Variants in PPARGC1A observed in about 807,000 individuals in gnomAD.
PPARGC1A encodes the protein PPARG coactivator 1 alpha, also known as peroxisome proliferator-activated receptor gamma coactivator 1-alpha.
PPARGC1A carries 25 observed loss-of-function variants against 88.7 expected under a neutral mutation model. That is an observed-to-expected ratio of 0.28 (90% CI 0.21 to 0.39). The LOEUF is 0.39. Ranked by LOEUF, PPARGC1A falls within the 10% of genes least tolerant of loss-of-function variation. PPARGC1A has a pLI of 1.00. For synonymous variants in PPARGC1A, 363 were observed against 355.6 expected, an observed-to-expected ratio of 1.02 and a Z score of -0.24; for missense variants, 880 against 968.7, an observed-to-expected ratio of 0.91 and a Z score of 1.22.
chr4:24,185,557 GAAGC>G, the PPARGC1A span, among the ~76,000 whole-genome samples: 1 of 152,198 alleles, frequency 6.6e-6, no homozygotes, highest in East Asian at 1.9e-4. Flanking sequence ...ACCAGTACGA[GAAGC>G]AAGTTAGAGC....
At chr4:23,869,423 C>T (rs1201418112) in intron 2 of PPARGC1A, among the ~76,000 whole-genome samples, 3 of 151,950 alleles carry the variant, frequency 2.0e-5, no homozygotes, top group Admixed American at 6.6e-5. Flanking sequence ...GCTCTGGGTC[C>T]GTATAGAGAA....
chr4:23,918,218 CT>C, the PPARGC1A span, among the ~76,000 whole-genome samples: 139 of 150,054 alleles, frequency 9.3e-4, no homozygotes, highest in African/African-American at 3.1e-3. Flanking sequence ...AATTTAAATT[CT>C]TTTTTTTTTC....
intron 2 of PPARGC1A, among the ~76,000 whole-genome samples, chr4:23,882,414 CT>C (rs778021217): frequency 2.6e-5 from 4 of 152,106 alleles, no homozygotes; most frequent in Non-Finnish European, 1.5e-5. Flanking sequence ...AACCTCAGTG[CT>C]TTTTTCATTG....
the PPARGC1A span, among the ~76,000 whole-genome samples, chr4:24,259,120 C>CA: frequency 6.6e-6 from 1 of 151,952 alleles, no homozygotes; most frequent in Admixed American, 6.5e-5. Flanking sequence ...GAAAATATTC[C>CA]AAAAAAAGGA....
the PPARGC1A span, among the ~76,000 whole-genome samples, chr4:24,167,385 G>A: frequency 6.6e-6 from 1 of 152,216 alleles, no homozygotes. Context: ...AGATGTTGTG[G>A]ACATTGTTGA....
chr4:23,877,039 C>A (rs1227307457), intron 2 of PPARGC1A, among the ~76,000 whole-genome samples: 1 of 152,152 alleles, frequency 6.6e-6, no homozygotes, highest in Non-Finnish European at 1.5e-5. Context: ...TCTATCATCA[C>A]TTTGGGACAA....
At chr4:24,266,106 G>A in the PPARGC1A span, among the ~76,000 whole-genome samples, 3 of 152,184 alleles carry the variant, frequency 2.0e-5, no homozygotes, top group South Asian at 2.1e-4. Flanking sequence ...AGAACGTAAC[G>A]AGAGATGCCG....
chr4:24,398,055 G>A, the PPARGC1A span, among the ~76,000 whole-genome samples: 60 of 152,198 alleles, frequency 3.9e-4, no homozygotes, highest in African/African-American at 1.1e-3. Context: ...AGACCTAGCC[G>A]CTTCTGTCAA....
chr4:24,070,235 G>A, the PPARGC1A span, among the ~76,000 whole-genome samples: 5 of 152,176 alleles, frequency 3.3e-5, no homozygotes, highest in Non-Finnish European at 7.3e-5. Context: ...TACTTCTGAG[G>A]TTTATTAGCC....
At chr4:23,822,977 T>C (rs1224606692) in intron 7 of PPARGC1A, among the ~76,000 whole-genome samples, 1 of 152,110 alleles carries the variant, frequency 6.6e-6, no homozygotes, top group African/African-American at 2.4e-5. Flanking sequence ...CAGTAAATAA[T>C]ATTTGCTTTC....
chr4:23,801,719 A>G lies in PPARGC1A; in HGVS notation c.2293+11T>C, dbSNP rs761066906. On this transcript the variant is annotated intron_variant, in intron 12 of 12. Coordinates refer to ENST00000264867, the MANE Select transcript of PPARGC1A (RefSeq NM_013261.5). ...ATGGATTCCTCATTCCACGTACAAT[A>G]AAATCCATACCTAGGTCTGCATAGT... is the stretch of plus-strand genomic sequence containing the variant. 1 of 1,613,826 alleles carries G rather than the reference A, an allele frequency of 6.2e-7. No homozygotes were observed. Among genetic ancestry groups the G allele is most frequent in the Non-Finnish European group, 8.5e-7 (1 of 1,179,772 alleles).
chr4:24,183,074 A>T, the PPARGC1A span, among the ~76,000 whole-genome samples: 3 of 152,180 alleles, frequency 2.0e-5, no homozygotes, highest in African/African-American at 7.2e-5. Context: ...CAATACTCCA[A>T]GTAGAAATGA....
At chr4:23,936,059 T>C in the PPARGC1A span, among the ~76,000 whole-genome samples, 1 of 152,188 alleles carries the variant, frequency 6.6e-6, no homozygotes, top group Non-Finnish European at 1.5e-5. Flanking sequence ...TGAATTCCTA[T>C]GTACATCGAG....
the PPARGC1A span, among the ~76,000 whole-genome samples, chr4:24,322,407 A>C: frequency 0.031 from 4,754 of 152,348 alleles, 221 homozygotes; most frequent in African/African-American, 0.099. Flanking sequence ...TTCTCTTGAC[A>C]ACCCTGATGG....
chr4:24,284,329 C>CA, the PPARGC1A span, among the ~76,000 whole-genome samples: 87 of 151,950 alleles, frequency 5.7e-4, no homozygotes, highest in African/African-American at 1.8e-3. Context: ...AACAAACAAA[C>CA]AAAAAACAAA....
chr4:24,153,104 A>G, the PPARGC1A span, among the ~76,000 whole-genome samples: 1 of 152,222 alleles, frequency 6.6e-6, no homozygotes, highest in Non-Finnish European at 1.5e-5. Context: ...ACAGGAGGCG[A>G]AATGCAGAAC....
At chr4:24,270,100 G>A in the PPARGC1A span, among the ~76,000 whole-genome samples, 1 of 152,148 alleles carries the variant, frequency 6.6e-6, no homozygotes, top group Non-Finnish European at 1.5e-5. Context: ...CCCATCCAAT[G>A]TCTTGAAGAC....
the PPARGC1A span, among the ~76,000 whole-genome samples, chr4:24,200,170 T>C: frequency 6.6e-6 from 1 of 152,198 alleles, no homozygotes. Context: ...ATATACAGCA[T>C]GATACCACTA....
the PPARGC1A span, among the ~76,000 whole-genome samples, chr4:24,168,817 T>C: frequency 1.3e-5 from 2 of 152,116 alleles, no homozygotes; most frequent in African/African-American, 4.8e-5. Context: ...AAACACACGA[T>C]TGAATAAATA....
Sources: allele counts gnomAD v4.1 joint callset (sites outside exome capture counted in the v4.1 genomes callset), GRCh38; gene constraint gnomAD v4.1.1; transcripts MANE v1.5; gene names NCBI Gene and HGNC (gene_info 2026-07-23, HGNC 2026-07-21).